IL1RAPL2: variants seen among roughly 807,000 people sequenced by gnomAD.
The protein encoded by IL1RAPL2 is X-linked interleukin-1 receptor accessory protein-like 2.
In IL1RAPL2, 3 loss-of-function variants were observed where a neutral mutation model predicts 44.1. The ratio of observed to expected loss-of-function variants is 0.07; its 90% confidence interval spans 0.03 to 0.18. IL1RAPL2 has a LOEUF of 0.18. IL1RAPL2 is among the 10% of genes least tolerant of loss of function. The probability of loss-of-function intolerance (pLI) is 1.00; values close to 1 mark genes in which losing one functional copy is unlikely to be tolerated. For missense variants in IL1RAPL2, 391 were observed against 496.4 expected (o/e 0.79, Z 2.02); for synonymous variants, 181 against 178.8 (o/e 1.01, Z -0.10).
chrX:105,034,221 A>G (rs1210788188), intron 2 of IL1RAPL2, among the ~76,000 whole-genome samples: 2 of 111,119 alleles, frequency 1.8e-5, no homozygotes, highest in African/African-American at 6.6e-5. Flanking sequence ...TCTCCTCTCA[A>G]CTCGTCAAAG....
intron 6 of IL1RAPL2, among the ~76,000 whole-genome samples, chrX:105,594,597 T>C (rs73636259): frequency 0.063 from 7,060 of 111,464 alleles, 585 homozygotes; most frequent in African/African-American, 0.22. Context: ...TTTATTCCTA[T>C]AAATGAAATA....
intron 2 of IL1RAPL2, among the ~76,000 whole-genome samples, chrX:104,808,623 G>C (rs757566046): frequency 1.8e-5 from 2 of 111,694 alleles, no homozygotes; most frequent in East Asian, 5.6e-4. Context: ...TAGATAAGGA[G>C]CATGATTAAT....
intron 2 of IL1RAPL2, among the ~76,000 whole-genome samples, chrX:104,947,631 A>G (rs1215846236): frequency 9.5e-6 from 1 of 105,660 alleles, no homozygotes; most frequent in Non-Finnish European, 1.9e-5. Flanking sequence ...AGCTTTCTAC[A>G]TATGGCTAGC....
In IL1RAPL2 at chrX:105,767,244, T is replaced by C; in HGVS notation, c.1644T>C (p.Phe548=). 1 of 1,211,679 alleles carries C rather than the reference T, an allele frequency of 8.3e-7. No individual in the cohort carries two copies. Among genetic ancestry groups the C allele is most frequent in the Non-Finnish European group, 1.1e-6 (1 of 895,407 alleles). The change falls in exon 11 of 11, where the codon TTT becomes TTC. Residue 548 remains phenylalanine (F), a synonymous_variant. Transcript: ENST00000372582. The stretch of plus-strand genomic sequence containing the variant: ...AAAGCAGCAAATTAAATTCTAAGTT[T>C]TGGAAGCACTTAGTATATGAAATGC... The part of the protein sequence containing the change: ...GSKSSKLNSK[F]WKHLVYEMPI...
chrX:105,138,901 C>T, intron 2 of IL1RAPL2, among the ~76,000 whole-genome samples: 1 of 111,255 alleles, frequency 9.0e-6, no homozygotes, highest in East Asian at 2.8e-4. Flanking sequence ...GTGAGACTAT[C>T]ATTCCTGGAT....
chrX:104,780,066 G>C (rs935306556), intron 2 of IL1RAPL2, among the ~76,000 whole-genome samples: 6 of 111,291 alleles, frequency 5.4e-5, no homozygotes, highest in African/African-American at 2.0e-4. Flanking sequence ...GAGCATAAAG[G>C]TGTTCTTCTC....
At chrX:105,083,322 T>C (rs1406715515) in intron 2 of IL1RAPL2, among the ~76,000 whole-genome samples, 1 of 111,596 alleles carries the variant, frequency 9.0e-6, no homozygotes, top group Non-Finnish European at 1.9e-5. Context: ...CAAATCTACA[T>C]TTGATTGGTG....
chrX:105,144,994 A>G (rs1288087950), intron 2 of IL1RAPL2, among the ~76,000 whole-genome samples: 1 of 111,491 alleles, frequency 9.0e-6, no homozygotes, highest in East Asian at 2.8e-4. Flanking sequence ...GGCAAGGACC[A>G]TATTTTATTC....
At chrX:104,654,478 GA>G (rs1930214308) in intron 1 of IL1RAPL2, among the ~76,000 whole-genome samples, 1 of 110,739 alleles carries the variant, frequency 9.0e-6, no homozygotes, top group African/African-American at 3.3e-5. Flanking sequence ...TCCAGGAACA[GA>G]AAAAATGACC....
chrX:105,222,478 A>G (rs1293418931), intron 3 of IL1RAPL2, among the ~76,000 whole-genome samples: 1 of 112,074 alleles, frequency 8.9e-6, no homozygotes, highest in Non-Finnish European at 1.9e-5. Context: ...TATTTTATTT[A>G]TCAGCCATCA....
chrX:105,200,203 A>G (rs1603004698), intron 3 of IL1RAPL2, among the ~76,000 whole-genome samples: 1 of 112,550 alleles, frequency 8.9e-6, no homozygotes, highest in East Asian at 2.8e-4. Context: ...TACTGATGTC[A>G]CTGTGATTAA....
intron 5 of IL1RAPL2, among the ~76,000 whole-genome samples, chrX:105,376,380 T>G (rs191728231): frequency 2.0e-4 from 22 of 112,221 alleles, no homozygotes; most frequent in African/African-American, 6.8e-4. Context: ...GTAAGAAATA[T>G]GAAACTTGTC....
chrX:105,250,894 G>A (rs2034263329), intron 4 of IL1RAPL2, among the ~76,000 whole-genome samples: 1 of 110,659 alleles, frequency 9.0e-6, no homozygotes, highest in South Asian at 3.7e-4. Flanking sequence ...GTAGAATAGA[G>A]AATCCAGAAA....
chrX:105,018,342 C>T (rs920822618), intron 2 of IL1RAPL2, among the ~76,000 whole-genome samples: 1 of 111,123 alleles, frequency 9.0e-6, no homozygotes, highest in Non-Finnish European at 1.9e-5. Flanking sequence ...TATGTGCATT[C>T]CTTCGCTCAG....
chrX:105,430,473 G>T (rs1280550440), intron 5 of IL1RAPL2, among the ~76,000 whole-genome samples: 1 of 111,479 alleles, frequency 9.0e-6, no homozygotes, highest in African/African-American at 3.3e-5. Context: ...GAGGCACATA[G>T]TATTATTTCT....
intron 6 of IL1RAPL2, among the ~76,000 whole-genome samples, chrX:105,711,995 T>C (rs749753291): frequency 8.0e-5 from 9 of 111,953 alleles, no homozygotes; most frequent in Non-Finnish European, 1.7e-4. Flanking sequence ...CTTTTATGGA[T>C]TCAGTCTACT....
chrX:105,297,045 A>G (rs1184770664), intron 5 of IL1RAPL2, among the ~76,000 whole-genome samples: 1 of 112,303 alleles, frequency 8.9e-6, no homozygotes, highest in Non-Finnish European at 1.9e-5. Flanking sequence ...GCTAAAATAA[A>G]AATAAAACAG....
At chrX:104,939,024 C>G (rs1965229644) in intron 2 of IL1RAPL2, among the ~76,000 whole-genome samples, 1 of 103,251 alleles carries the variant, frequency 9.7e-6, no homozygotes, top group South Asian at 4.6e-4. Context: ...GATTGTCTCT[C>G]AGAGATAATC....
intron 1 of IL1RAPL2, among the ~76,000 whole-genome samples, chrX:104,631,917 A>G (rs1929659480): frequency 9.1e-6 from 1 of 110,077 alleles, no homozygotes; most frequent in South Asian, 3.9e-4. Context: ...GTCCTTGCCC[A>G]TGCCTATGTC....
Sources: allele counts gnomAD v4.1 joint callset (sites outside exome capture counted in the v4.1 genomes callset), GRCh38; gene constraint gnomAD v4.1.1; transcripts MANE v1.5; gene names NCBI Gene and HGNC (gene_info 2026-07-23, HGNC 2026-07-21).